The following EIF3F variants were observed in gnomAD, a reference collection of about 807,000 sequenced individuals.
EIF3F encodes eukaryotic translation initiation factor 3 subunit F.
A neutral mutation model predicts 36.0 loss-of-function variants in EIF3F; 8 were observed. That is an observed-to-expected ratio of 0.22 (90% CI 0.13 to 0.40). The LOEUF is 0.40. Ranked by LOEUF, EIF3F falls within the 10% of genes least tolerant of loss-of-function variation. The probability of loss-of-function intolerance (pLI) is 1.00; values close to 1 mark genes in which losing one functional copy is unlikely to be tolerated. For synonymous variants in EIF3F, 184 were observed against 188.5 expected (o/e 0.98, Z 0.19); for missense variants, 430 against 467.6 (o/e 0.92, Z 0.74).
chr11:7,995,963 T>C lies in EIF3F; in HGVS notation c.1015T>C (p.Tyr339His). 6.2e-7 allele frequency: 1 copy of C among 1,613,920 alleles called. No individual in the cohort carries two copies. ...SNINDLLMVT[Y>H]LANLTQSQIA... ...CTTCCAGGACCTTTTGATGGTGACC[T>C]ACCTGGCCAACCTCACACAGTCACA... is the stretch of plus-strand genomic sequence containing the variant. Residue 339 changes from tyrosine (Y) to histidine (H), a missense_variant, in exon 8 of 8, where the codon TAC (tyrosine) becomes CAC (histidine). By Grantham distance (83) the Tyr-to-His change is moderately conservative. Around this residue, in one of 2 missense-constraint regions of EIF3F, gnomAD observed 262 missense variants for 347.4 expected, o/e 0.75. Transcript: ENST00000651655.
At chr11:7,994,565 G>A in intron 5 of EIF3F, 48 bp downstream of exon 5, 1 of 1,557,592 alleles carries the variant, frequency 6.4e-7, no homozygotes, top group Non-Finnish European at 8.8e-7. Context: ...GCATTTTCAG[G>A]GAAGGGGGCT....
chr11:7,993,167 A>G, intron 4 of EIF3F, 143 bp downstream of exon 4: 1 of 983,262 alleles, frequency 1.0e-6, no homozygotes, highest in Non-Finnish European at 1.4e-6. Context: ...GTTATTCTAA[A>G]GGTTTCACTC....
chr11:7,991,359 C>T (rs899272883), intron 1 of EIF3F, among the ~76,000 whole-genome samples: 3 of 152,068 alleles, frequency 2.0e-5, no homozygotes, highest in Non-Finnish European at 4.4e-5. Context: ...ACAGATGAAG[C>T]TCCTGACGTC....
rs142614240 is a variant in EIF3F at position 7,987,890 on chromosome 11, G to A, written c.364+174G>A. ...CTTTTGCTGTGACTTATCTTCTCAA[G>A]CACTTGCATCTCTCCTCTCTCTCCT... On this transcript the variant is annotated intron_variant, in intron 1 of 7. Coordinates refer to ENST00000651655, the MANE Select transcript of EIF3F (RefSeq NM_003754.3). The A allele has an allele frequency of 1.3e-4, 123 of 978,272 alleles. 1 individual carries two copies. In the East Asian group the frequency reaches 3.7e-3, roughly 29 times the overall value. The allele number at this position is 978,272 out of a possible 1,614,324, so 60.6% of individuals were successfully genotyped here. A position where few individuals can be genotyped will look rare whatever the true frequency, so the allele number is the denominator to read the frequency against.
Position 7,995,263 on chromosome 11 carries a change from G to A in EIF3F, c.892G>A (p.Val298Met). ...QYAEDVLSGK[V>M]SADNTVGRFL... is the part of the protein sequence containing the mutation. ...TTGTTTTGGTACTCAGTCTGGAAAG[G>A]TGTCAGCTGACAATACTGTGGGCCG... Residue 298 changes from valine to methionine, a missense_variant, in exon 7 of 8, where the codon GTG becomes ATG. Val to Met is a conservative substitution (Grantham distance 21, BLOSUM62 1). This residue lies in a region of EIF3F where 262 missense variants were observed against 347.4 expected (regional missense o/e 0.75). Transcript: ENST00000651655. 1 of 1,613,952 alleles carries A rather than the reference G, an allele frequency of 6.2e-7. No individual in the cohort carries two copies. Among genetic ancestry groups the A allele is most frequent in the Non-Finnish European group, 8.5e-7 (1 of 1,179,894 alleles).
At position 7,999,724 on chromosome 11, in the gene EIF3F, A is replaced by G. The variant is rs558700735; in HGVS notation, c.*3702A>G. ...ACCCTTTTACACTTGGTGTGAATGT[A>G]AATTAGTACAGACATTGTGGAAAAC... On this transcript the variant is annotated 3_prime_UTR_variant, in exon 8 of 8. Transcript: ENST00000651655. 2.8e-4 allele frequency: 43 copies of G among 152,352 alleles called. No individual in the cohort carries two copies. Among genetic ancestry groups the G allele is most frequent in the African/African-American group, 9.6e-4 (40 of 41,578 alleles). 9.4% of individuals were successfully genotyped at this position (152,352 alleles called of 1,614,324 possible).
In EIF3F at chr11:7,998,487, T is replaced by A. The variant is rs1264106026; in HGVS notation, c.*2465T>A. On this transcript the variant is annotated 3_prime_UTR_variant, in exon 8 of 8. Coordinates refer to ENST00000651655, the MANE Select transcript of EIF3F (RefSeq NM_003754.3). ...ATGGCACTAAATAGACTGAAAAGGA[T>A]ACTTGTTTATAAGAACTGAAACAAG... The A allele has an allele frequency of 1.3e-5, 2 of 152,202 alleles. No individual in the cohort carries two copies. Among genetic ancestry groups the A allele is most frequent in the Non-Finnish European group, 2.9e-5 (2 of 68,040 alleles). The allele number at this position is 152,202 out of a possible 1,614,324, so 9.4% of individuals were successfully genotyped here.
Position 8,000,383 on chromosome 11 carries a change from G to A in EIF3F, c.*4361G>A, listed in dbSNP as rs889224051. On this transcript the variant is annotated 3_prime_UTR_variant, in exon 8 of 8. Transcript: ENST00000651655. ...ACTCACAAGCAGAGTGTAGAAAGGT[G>A]GTTTCATGGACTGGAGGGAGGGGAT... is the stretch of plus-strand genomic sequence containing the variant. 6.6e-6 allele frequency: 1 copy of A among 152,132 alleles called. No homozygotes were observed. Among genetic ancestry groups the A allele is most frequent in the African/African-American group, 2.4e-5 (1 of 41,426 alleles). 9.4% of individuals were successfully genotyped at this position (152,132 alleles called of 1,614,324 possible). A position where few individuals can be genotyped will look rare whatever the true frequency, so the allele number is the denominator to read the frequency against.
chr11:7,995,629 G>A, intron 7 of EIF3F: 1 of 581,930 alleles, frequency 1.7e-6, no homozygotes, highest in East Asian at 2.9e-5. Context: ...GTGATGGAAA[G>A]AAACACTAAA....
In EIF3F at chr11:7,993,024, G is replaced by C; in HGVS notation, c.653G>C (p.Ser218Thr). ...CGCATGAGCATCAAAGCCTACGTCA[G>C]GTGACCACAGTCTTGGGCTACAAGG... ...NGRMSIKAYV[S>T]TLMGVPGRTM... The change falls in exon 4 of 8, where the codon AGC becomes ACC. Residue 218 changes from serine to threonine, a missense_variant and splice_region_variant. Transcript: ENST00000651655. The C allele has an allele frequency of 1.3e-6, 2 of 1,589,518 alleles. No homozygotes were observed. Among genetic ancestry groups the C allele is most frequent in the Non-Finnish European group, 1.7e-6 (2 of 1,167,382 alleles).
intron 1 of EIF3F, 129 bp from the exon 2 acceptor site, chr11:7,991,652 C>T (rs1942096922): frequency 3.3e-6 from 3 of 902,346 alleles, no homozygotes; most frequent in African/African-American, 3.3e-5. Context: ...CCGGACTAAA[C>T]TTGGAGCTAA....
rs1305943994 is a variant in EIF3F at position 7,999,752 on chromosome 11, T to TTA, written c.*3731_*3732insAT. On this transcript the variant is annotated 3_prime_UTR_variant, in exon 8 of 8. Coordinates refer to ENST00000651655, the MANE Select transcript of EIF3F (RefSeq NM_003754.3). ...TTAGTACAGACATTGTGGAAAACAG[T>TTA]TTGTAGAGCTTCCTCAATAAAAACA... 2 of 152,178 alleles carry TTA rather than the reference T, an allele frequency of 1.3e-5. No individual in the cohort carries two copies. The highest frequency in any genetic ancestry group is 4.8e-5 in the African/African-American group (2 of 41,438). The allele number at this position is 152,178 out of a possible 1,614,324, so 9.4% of individuals were successfully genotyped here. A position where few individuals can be genotyped will look rare whatever the true frequency, so the allele number is the denominator to read the frequency against.
In EIF3F at chr11:7,993,032, C is replaced by T. The variant is rs746357618; in HGVS notation, c.653+8C>T. On this transcript the variant is annotated splice_region_variant and intron_variant, in intron 4 of 7. Transcript: ENST00000651655. The stretch of plus-strand genomic sequence containing the variant: ...CATCAAAGCCTACGTCAGGTGACCA[C>T]AGTCTTGGGCTACAAGGGCATAAAA... 6 of 1,577,984 alleles carry T rather than the reference C, an allele frequency of 3.8e-6. No homozygotes were observed. The South Asian group carries it at 7.1e-5, about 19-fold the overall frequency.
intron 4 of EIF3F, 96 bp downstream of exon 4, chr11:7,993,120 G>C (rs1019312950): frequency 9.3e-6 from 13 of 1,398,672 alleles, no homozygotes; most frequent in Non-Finnish European, 1.1e-5. Context: ...TGTGTAACTT[G>C]CTGTGTCCTT....
intron 1 of EIF3F, among the ~76,000 whole-genome samples, chr11:7,990,904 A>T (rs1419337804): frequency 3.7e-5 from 5 of 134,550 alleles, no homozygotes; most frequent in Non-Finnish European, 8.4e-5. Context: ...AATAAATAAA[A>T]GAAATACAGC....
intron 1 of EIF3F, among the ~76,000 whole-genome samples, chr11:7,990,624 C>T (rs1387751509): frequency 1.3e-5 from 2 of 152,054 alleles, no homozygotes; most frequent in East Asian, 3.9e-4. Context: ...GTCTGTTCAA[C>T]GCTGATGAGA....
intron 1 of EIF3F, 146 bp downstream of exon 1, chr11:7,987,862 T>C: frequency 1.7e-6 from 2 of 1,211,920 alleles, no homozygotes; most frequent in Non-Finnish European, 2.1e-6. Flanking sequence ...ATCTGCATCC[T>C]ACCTTTTGCT....
chr11:7,992,360 A>G (rs1206881797), intron 3 of EIF3F, 197 bp downstream of exon 3: 1 of 604,852 alleles, frequency 1.7e-6, no homozygotes, highest in African/African-American at 1.9e-5. Flanking sequence ...TGAGCCCAGT[A>G]GTTCAAGATC....
chr11:7,988,299 A>G (rs1942051996), intron 1 of EIF3F, among the ~76,000 whole-genome samples: 1 of 152,152 alleles, frequency 6.6e-6, no homozygotes, highest in African/African-American at 2.4e-5. Flanking sequence ...TGCTGTCCTA[A>G]ACGTCTGAGC....
Sources: gnomAD v4.1 joint callset for allele counts (sites outside exome capture counted in the v4.1 genomes callset) on GRCh38, gnomAD v4.1.1 for gene constraint, gnomAD v4.1.1 regional missense constraint, MANE v1.5 for transcripts, NCBI Gene and HGNC (gene_info 2026-07-23, HGNC 2026-07-21) for gene names.